The following ZBTB20 variants were observed in gnomAD, a reference collection of about 807,000 sequenced individuals.
ZBTB20 encodes zinc finger and BTB domain containing 20, also known as zinc finger and BTB domain-containing protein 20.
In ZBTB20, 9 loss-of-function variants were observed where a neutral mutation model predicts 56.9. The ratio of observed to expected loss-of-function variants is 0.16; its 90% CI spans 0.10 to 0.28. The LOEUF is 0.28. Ranked by LOEUF, ZBTB20 falls within the 10% of genes least tolerant of loss-of-function variation. The pLI, the probability that ZBTB20 is intolerant of heterozygous loss-of-function variation, is 1.00. For synonymous variants in ZBTB20, 417 were observed against 420.7 expected (o/e 0.99, Z 0.11); for missense variants, 655 against 1,003.0 (o/e 0.65, Z 4.69).
Position 114,332,037 on chromosome 3 carries a change from G to A in ZBTB20, c.*6968C>T, listed in dbSNP as rs547292980. 1 of 145,330 alleles carries A rather than the reference G, an allele frequency of 6.9e-6. No individual in the cohort carries two copies. Among genetic ancestry groups the A allele is most frequent in the South Asian group, 2.2e-4 (1 of 4,466 alleles). The allele number at this position is 145,330 out of a possible 1,614,324, so 9.0% of individuals were successfully genotyped here. On this transcript the variant is annotated 3_prime_UTR_variant, in exon 12 of 12. Transcript: ENST00000675478. ...GGTAAAAACAACTGTTGCAACACTA[G>A]TAGAAACAGATGCCCCCAAGGTTTT...
At chr3:114,532,197 G>C (rs2047928061) in intron 6 of ZBTB20, among the ~76,000 whole-genome samples, 1 of 152,166 alleles carries the variant, frequency 6.6e-6, no homozygotes, top group Admixed American at 6.5e-5. Flanking sequence ...TAGCTCAGTG[G>C]ATCCCACCCC....
chr3:115,132,799 G>A (rs1286241228), intron 1 of ZBTB20, among the ~76,000 whole-genome samples: 1 of 151,770 alleles, frequency 6.6e-6, no homozygotes, highest in Admixed American at 6.6e-5. Flanking sequence ...CCAAAATTTA[G>A]AATACCTTTT....
intron 6 of ZBTB20, among the ~76,000 whole-genome samples, chr3:114,552,646 T>G (rs987106734): frequency 5.9e-5 from 9 of 152,238 alleles, no homozygotes; most frequent in Admixed American, 5.9e-4. Flanking sequence ...TTATGAGCTT[T>G]GGGAGCTCCC....
chr3:114,535,871 A>T (rs2048403232), intron 6 of ZBTB20, among the ~76,000 whole-genome samples: 1 of 152,260 alleles, frequency 6.6e-6, no homozygotes, highest in Non-Finnish European at 1.5e-5. Context: ...CCATTATATA[A>T]GCAGTTTAGA....
Position 114,816,845 on chromosome 3 carries a change from C to T in ZBTB20, c.-416-15671G>A, listed in dbSNP as rs114092672. ...CAGTCTACAATTATAGTAGCCTGCA[C>T]TATTCCTATTTCCAAACTCTGAGCA... On this transcript the variant is annotated intron_variant, in intron 4 of 11. Coordinates refer to ENST00000675478, the MANE Select transcript of ZBTB20 (RefSeq NM_001348800.3). 3.2e-3 allele frequency among the ~76,000 whole-genome samples: 483 copies of T among 152,276 alleles called. 5 individuals are homozygous for T. Among genetic ancestry groups the T allele is most frequent in the African/African-American group, 0.011 (473 of 41,562 alleles).
intron 1 of ZBTB20, among the ~76,000 whole-genome samples, chr3:115,136,579 C>T (rs1422190671): frequency 6.6e-6 from 1 of 152,100 alleles, no homozygotes; most frequent in South Asian, 2.1e-4. Flanking sequence ...ACTCACTTTA[C>T]ACCAGATGCA....
intron 10 of ZBTB20, among the ~76,000 whole-genome samples, chr3:114,353,161 A>C (rs1038553264): frequency 2.6e-5 from 4 of 152,204 alleles, no homozygotes; most frequent in African/African-American, 9.6e-5. Flanking sequence ...ACAACTGAAC[A>C]ATCAGCTTGG....
chr3:115,022,900 T>C (rs1173837991), intron 2 of ZBTB20, among the ~76,000 whole-genome samples: 1 of 151,038 alleles, frequency 6.6e-6, no homozygotes, highest in East Asian at 1.9e-4. Flanking sequence ...ATCTGATATG[T>C]ATTTTCCATT....
rs2075614600 is a variant in ZBTB20 at position 114,913,248 on chromosome 3, A to T, written c.-455-12906T>A. Among the ~76,000 whole-genome samples, 10 of 151,730 alleles carry T rather than the reference A, an allele frequency of 6.6e-5. No individual in the cohort carries two copies. In the South Asian group the frequency reaches 2.1e-3, roughly 32 times the overall value. The stretch of plus-strand genomic sequence containing the variant: ...CTCCATATCCTCACCACCACCCATT[A>T]TTGCTTGTCTTTTGGATGTAAGTCA... On this transcript the variant is annotated intron_variant, in intron 3 of 11. Transcript: ENST00000675478.
intron 4 of ZBTB20, among the ~76,000 whole-genome samples, chr3:114,888,836 T>C (rs777298601): frequency 8.0e-4 from 122 of 152,258 alleles, no homozygotes; most frequent in Middle Eastern, 3.4e-3. Context: ...ATTTAAGCCA[T>C]TATAGAAGCA....
chr3:114,926,135 G>A (rs1182224439), intron 3 of ZBTB20, among the ~76,000 whole-genome samples: 3 of 152,078 alleles, frequency 2.0e-5, no homozygotes, highest in Non-Finnish European at 4.4e-5. Flanking sequence ...TGACATCCCC[G>A]TTCCTTCCCA....
intron 5 of ZBTB20, among the ~76,000 whole-genome samples, chr3:114,727,233 A>T (rs138263857): frequency 1.4e-3 from 219 of 152,308 alleles, no homozygotes; most frequent in African/African-American, 4.9e-3. Flanking sequence ...AGACAACTTA[A>T]TCACTATTAA....
chr3:114,999,098 G>T (rs2079144087), intron 2 of ZBTB20, among the ~76,000 whole-genome samples: 1 of 145,742 alleles, frequency 6.9e-6, no homozygotes, highest in African/African-American at 2.5e-5. Context: ...GCAGGGAAAT[G>T]AAAGGAGGAA....
intron 6 of ZBTB20, among the ~76,000 whole-genome samples, chr3:114,503,755 A>T (rs2044274183): frequency 6.6e-6 from 1 of 152,172 alleles, no homozygotes; most frequent in African/African-American, 2.4e-5. Flanking sequence ...CGAGGGGTGA[A>T]GTTTAATCTT....
intron 5 of ZBTB20, among the ~76,000 whole-genome samples, chr3:114,765,581 T>C (rs1412195897): frequency 6.6e-6 from 1 of 152,004 alleles, no homozygotes; most frequent in African/African-American, 2.4e-5. Context: ...TCCAGAACTG[T>C]GATCCAATAA....
intron 5 of ZBTB20, among the ~76,000 whole-genome samples, chr3:114,745,823 A>G (rs771551134): frequency 7.9e-5 from 12 of 152,178 alleles, no homozygotes; most frequent in Non-Finnish European, 1.2e-4. Context: ...ATATCAATCA[A>G]TACTTTGGAT....
chr3:114,940,138 G>C (rs1414735339), intron 3 of ZBTB20, among the ~76,000 whole-genome samples: 1 of 145,856 alleles, frequency 6.9e-6, no homozygotes, highest in Non-Finnish European at 1.5e-5. Context: ...CATATGCCAG[G>C]TACTGTGCAA....
intron 6 of ZBTB20, among the ~76,000 whole-genome samples, chr3:114,605,766 GA>G (rs2057097134): frequency 6.6e-6 from 1 of 152,072 alleles, no homozygotes; most frequent in Non-Finnish European, 1.5e-5. Context: ...AAACTTAAAG[GA>G]TGGAAGAAGT....
At chr3:114,729,795 T>A (rs543420821) in intron 5 of ZBTB20, among the ~76,000 whole-genome samples, 41 of 151,456 alleles carry the variant, frequency 2.7e-4, no homozygotes, top group Non-Finnish European at 5.2e-4. Flanking sequence ...ATATGTAGGA[T>A]TTTCTTTTCT....
Sources: allele counts gnomAD v4.1 joint callset (sites outside exome capture counted in the v4.1 genomes callset), GRCh38; gene constraint gnomAD v4.1.1; transcripts MANE v1.5; gene names NCBI Gene and HGNC (gene_info 2026-07-23, HGNC 2026-07-21).